Variants in KANK2 observed in about 807,000 individuals in gnomAD.
The protein encoded by KANK2 is KN motif and ankyrin repeat domains 2, also known as KN motif and ankyrin repeat domain-containing protein 2.
Under a neutral mutation model 74.6 loss-of-function variants are expected in KANK2, and 41 were observed. The ratio of observed to expected loss-of-function variants is 0.55; its 90% CI spans 0.43 to 0.71. The LOEUF (loss-of-function observed/expected upper bound fraction) is 0.71. KANK2 is among the 30% of genes least tolerant of loss of function. The pLI is 0.00. For missense variants in KANK2, 1,148 were observed against 1,196.4 expected, an observed-to-expected ratio of 0.96 and a Z score of 0.60; for synonymous variants, 537 against 519.0, an observed-to-expected ratio of 1.03 and a Z score of -0.47.
chr19:11,196,776 A>C (rs1234170081), intron 1 of KANK2: 1 of 152,312 alleles, frequency 6.6e-6, no homozygotes, highest in Non-Finnish European at 1.5e-5. Context: ...AGGATAAGAC[A>C]GAGATGGAGA....
chr19:11,173,041 G>A lies in KANK2; in HGVS notation c.2151C>T (p.Asp717=), dbSNP rs200321828. ...AGAGCTGAAGGACAGTCTCGATGTC[G>A]TCCTGGGTCTTCAGGGTGGCCAGGG... ...LTALATLKTQ[D]DIETVLQLFR... is the part of the protein sequence containing the mutation. Residue 717 remains aspartate (D), a synonymous_variant, in exon 10 of 13, where the codon GAC becomes GAT. Coordinates refer to ENST00000586659, the MANE Select transcript of KANK2 (RefSeq NM_001136191.3). 2.9e-4 allele frequency: 463 copies of A among 1,614,012 alleles called. 1 individual carries two copies. The highest frequency in any genetic ancestry group is 1.3e-4 in the Non-Finnish European group (151 of 1,180,004).
At chr19:11,176,468 G>T in intron 7 of KANK2, 110 bp downstream of exon 7, 1 of 1,224,662 alleles carries the variant, frequency 8.2e-7, no homozygotes, top group Non-Finnish European at 1.1e-6. Context: ...TCAGACTAAA[G>T]TGTGCATGAC....
chr19:11,182,263 G>T (rs761316540), intron 4 of KANK2, among the ~76,000 whole-genome samples: 20 of 151,796 alleles, frequency 1.3e-4, no homozygotes, highest in Admixed American at 3.9e-4. Context: ...TATTGTAAAT[G>T]GCGAAAAAAT....
chr19:11,184,064 G>A (rs1031889658), intron 4 of KANK2, among the ~76,000 whole-genome samples: 3 of 152,052 alleles, frequency 2.0e-5, no homozygotes, highest in Non-Finnish European at 4.4e-5. Context: ...AAAATATAAT[G>A]GTTTTACCTA....
intron 10 of KANK2, among the ~76,000 whole-genome samples, chr19:11,171,480 A>G (rs978502655): frequency 1.3e-4 from 19 of 151,348 alleles, no homozygotes; most frequent in Non-Finnish European, 1.8e-4. Flanking sequence ...AATAAAATAA[A>G]AAGTTAGAAA....
intron 10 of KANK2, among the ~76,000 whole-genome samples, chr19:11,172,433 C>G (rs936897110): frequency 1.2e-4 from 18 of 152,206 alleles, no homozygotes; most frequent in African/African-American, 4.3e-4. Context: ...CTCTCCTCCT[C>G]ACTGTCCTCA....
Position 11,176,002 on chromosome 19 carries a change from G to A in KANK2, c.1761-13C>T, listed in dbSNP as rs1464725376. 2 of 1,609,562 alleles carry A rather than the reference G, an allele frequency of 1.2e-6. No individual in the cohort carries two copies. Among genetic ancestry groups the A allele is most frequent in the East Asian group, 2.2e-5 (1 of 44,804 alleles). On this transcript the variant is annotated splice_polypyrimidine_tract_variant and intron_variant, in intron 7 of 12. Coordinates refer to ENST00000586659, the MANE Select transcript of KANK2 (RefSeq NM_001136191.3). ...GCTTAGCTCCATCCTGCCAGGAACA[G>A]ACAAAGCGGGGAACTAAGTAAGCCC...
chr19:11,172,843 G>A (rs534959222), intron 10 of KANK2, 138 bp downstream of exon 10: 7 of 853,078 alleles, frequency 8.2e-6, no homozygotes, highest in Middle Eastern at 7.3e-4. Context: ...TCCACAAGAA[G>A]GTCCTGTGTC....
intron 4 of KANK2, among the ~76,000 whole-genome samples, chr19:11,184,909 G>A (rs1434403032): frequency 6.8e-6 from 1 of 147,760 alleles, no homozygotes; most frequent in Non-Finnish European, 1.5e-5. Flanking sequence ...GCCTCGCGAG[G>A]TCAAGTGATT....
chr19:11,166,684 G>A lies in KANK2; in HGVS notation c.2503-73C>T, dbSNP rs1208894752. On this transcript the variant is annotated intron_variant, in intron 12 of 12. Coordinates refer to ENST00000586659, the MANE Select transcript of KANK2 (RefSeq NM_001136191.3). ...CCCCGAGGCGCCAACGTGGTGGCTG[G>A]CCTGGTAGATATGATGGGTAAGCAG... is the stretch of plus-strand genomic sequence containing the variant. 2.8e-6 allele frequency: 4 copies of A among 1,440,178 alleles called. No homozygotes were observed. In the African/African-American group the frequency reaches 5.6e-5, roughly 20 times the overall value. 89.2% of individuals were successfully genotyped at this position (1,440,178 alleles called of 1,614,324 possible).
At chr19:11,177,189 C>A (rs1167538301) in intron 6 of KANK2, among the ~76,000 whole-genome samples, 1 of 144,012 alleles carries the variant, frequency 6.9e-6, no homozygotes, top group East Asian at 2.1e-4. Context: ...TGGGTTCAAG[C>A]AATTCTTCTG....
chr19:11,192,258 C>T (rs1412675409), intron 4 of KANK2, among the ~76,000 whole-genome samples: 1 of 152,050 alleles, frequency 6.6e-6, no homozygotes, highest in Non-Finnish European at 1.5e-5. Flanking sequence ...AAATACCTCC[C>T]ACTTTCTGGA....
chr19:11,178,414 T>G lies in KANK2; in HGVS notation c.1451A>C (p.Lys484Thr), dbSNP rs2147466823. Residue 484 changes from lysine (K) to threonine (T), a missense_variant, in exon 6 of 13, where the codon AAA (lysine) becomes ACA (threonine). By Grantham distance (78) the Lys-to-Thr change is moderately conservative. Coordinates refer to ENST00000586659, the MANE Select transcript of KANK2 (RefSeq NM_001136191.3). ...GPPAGVRSIM[K>T]RKEEVADPTA... Reference sequence around the variant, plus strand: ...GGGGTCTGCAACCTCCTCTTTCCGTTTCATGATAGATCGCACGCCTGCCGG... The same window carrying G: ...GGGGTCTGCAACCTCCTCTTTCCGTGTCATGATAGATCGCACGCCTGCCGG... 6.3e-7 allele frequency: 1 copy of G among 1,587,630 alleles called. No homozygotes were observed. The highest frequency in any genetic ancestry group is 2.3e-5 in the East Asian group (1 of 43,034).
intron 10 of KANK2, among the ~76,000 whole-genome samples, chr19:11,172,184 T>TCA (rs1259786473): frequency 2.2e-5 from 3 of 138,286 alleles, no homozygotes; most frequent in Non-Finnish European, 4.4e-5. Flanking sequence ...ACCATGTTGG[T>TCA]CAGGCTGGTC....
rs933571669 is a variant in KANK2 at position 11,170,070 on chromosome 19, C to T, written c.2390G>A (p.Cys797Tyr). ...IAGLLLAVPSCDISLTDRDGS... is the reference protein window; with the variant it reads ...IAGLLLAVPSYDISLTDRDGS... ...CACGCGATCTGTGAGTGAGATGTCA[C>T]AGCTGGGCACGGCCAGCAGCAGCCC... is the stretch of plus-strand genomic sequence containing the variant. Residue 797 changes from cysteine to tyrosine, a missense_variant, in exon 11 of 13, where the codon TGT becomes TAT. By Grantham distance (194) the Cys-to-Tyr change is radical. Transcript: ENST00000586659. This position sits in a 1 kb window ranked among gnomAD's most constrained non-coding sequence, Gnocchi z 5.2. 6.2e-7 allele frequency: 1 copy of T among 1,613,738 alleles called. No individual in the cohort carries two copies. The highest frequency in any genetic ancestry group is 8.5e-7 in the Non-Finnish European group (1 of 1,179,774).
chr19:11,175,888 G>A lies in KANK2; in HGVS notation c.1848+14C>T. The stretch of plus-strand genomic sequence containing the variant: ...CCGGGGGGTGGCCAACCTAGGCCCA[G>A]GGCCAGATCGTACCAGCTCCCGCTC... On this transcript the variant is annotated intron_variant, in intron 8 of 12. Coordinates refer to ENST00000586659, the MANE Select transcript of KANK2 (RefSeq NM_001136191.3). 1 of 1,610,848 alleles carries A rather than the reference G, an allele frequency of 6.2e-7. No homozygotes were observed. Among genetic ancestry groups the A allele is most frequent in the Non-Finnish European group, 8.5e-7 (1 of 1,177,724 alleles).
At chr19:11,169,291 T>C (rs923065418) in intron 12 of KANK2, among the ~76,000 whole-genome samples, 2 of 152,032 alleles carry the variant, frequency 1.3e-5, no homozygotes, top group African/African-American at 2.4e-5. Flanking sequence ...TGAGCCAAGA[T>C]TGTGCCACTG....
In KANK2 at chr19:11,166,586, C is replaced by T; in HGVS notation, c.2528G>A (p.Ser843Asn). 6.2e-7 allele frequency: 1 copy of T among 1,614,220 alleles called. No homozygotes were observed. Among genetic ancestry groups the T allele is most frequent in the Non-Finnish European group, 8.5e-7 (1 of 1,180,018 alleles). Reference protein sequence around the residue: ...CSFAPMSDDESPTSSSAEE With the variant: ...CSFAPMSDDENPTSSSAEE ...CTCTTCTGCCGAGGATGATGTAGGGCTCTCGTCATCTGACATTGGGGCAAA... is the reference window on the plus strand; with the variant it reads ...CTCTTCTGCCGAGGATGATGTAGGGTTCTCGTCATCTGACATTGGGGCAAA... The change falls in exon 13 of 13, where the codon AGC (serine) becomes AAC (asparagine). Residue 843 changes from serine to asparagine, a missense_variant. Transcript: ENST00000586659.
chr19:11,181,916 A>ATTTTTTTT (rs371144441), intron 4 of KANK2, among the ~76,000 whole-genome samples: 2 of 132,918 alleles, frequency 1.5e-5, no homozygotes, highest in Non-Finnish European at 3.1e-5. Flanking sequence ...AAGATGGTTA[A>ATTTTTTTT]TTTTTTTTTT....
Sources: allele counts gnomAD v4.1 joint callset (sites outside exome capture counted in the v4.1 genomes callset), GRCh38; gene constraint gnomAD v4.1.1; non-coding constraint Gnocchi (gnomAD v3.1); transcripts MANE v1.5; gene names NCBI Gene and HGNC (gene_info 2026-07-23, HGNC 2026-07-21).